Variants in LZTFL1 observed in about 807,000 individuals in gnomAD.
LZTFL1 encodes the protein leucine zipper transcription factor like 1.
LZTFL1 carries 25 observed loss-of-function variants against 45.9 expected under a neutral mutation model. That is an observed-to-expected ratio of 0.54 (90% CI 0.40 to 0.76). The LOEUF (loss-of-function observed/expected upper bound fraction) is 0.76, where lower values mean the gene tolerates loss of function less well. Ranked by LOEUF, LZTFL1 falls within the 30% of genes least tolerant of loss-of-function variation. The probability of loss-of-function intolerance (pLI) is 0.00; values close to 1 mark genes in which losing one functional copy is unlikely to be tolerated. For synonymous variants in LZTFL1, 93 were observed against 117.4 expected (o/e 0.79, Z 1.35); for missense variants, 277 against 331.1 (o/e 0.84, Z 1.27).
intron 2 of LZTFL1, among the ~76,000 whole-genome samples, chr3:45,884,959 G>A (rs544148405): frequency 6.6e-6 from 1 of 150,752 alleles, no homozygotes; most frequent in South Asian, 2.1e-4. Flanking sequence ...ATGAGCGCCC[G>A]CCGAGGGAAG....
At chr3:45,841,751 G>A (rs1318234797) in intron 1 of LZTFL1, 7 of 590,312 alleles carry the variant, frequency 1.2e-5, no homozygotes, top group Non-Finnish European at 1.5e-5. Flanking sequence ...GAGAAACGAA[G>A]CGATGCGGCG....
At chr3:45,883,968 T>C in intron 2 of LZTFL1, 1 of 357,882 alleles carries the variant, frequency 2.8e-6, no homozygotes, top group Non-Finnish European at 5.5e-6. Flanking sequence ...GACAAATGAA[T>C]GTGCTGCACT....
Position 45,828,186 on chromosome 3 carries a change from C to T in LZTFL1, c.777+253G>A, listed in dbSNP as rs139540257. On this transcript the variant is annotated intron_variant, in intron 8 of 9. Coordinates refer to ENST00000296135, the MANE Select transcript of LZTFL1 (RefSeq NM_020347.4). ...GGGATGTAGGGCAGGATTCAAGCCA[C>T]CTACAGAGGAGCATTTCACTACACC... Among the ~76,000 whole-genome samples, 1,204 of 152,206 alleles carry T rather than the reference C, an allele frequency of 7.9e-3. 8 individuals carry two copies. The highest frequency in any genetic ancestry group is 0.012 in the Non-Finnish European group (829 of 68,018).
chr3:45,829,266 A>C (rs973620677), intron 7 of LZTFL1, among the ~76,000 whole-genome samples: 1 of 152,128 alleles, frequency 6.6e-6, no homozygotes, highest in East Asian at 1.9e-4. Context: ...ATTTGTACTG[A>C]TAAGACAGTA....
At position 45,901,368 on chromosome 3, in the gene LZTFL1, G is replaced by A. The variant is rs113137843; in HGVS notation, c.-215+11752C>T. ...ATACAGCCAAATCAAGGAGGAATCC[G>A]GCATTGCTATCTGCACCATGGTTTA... On this transcript the variant is annotated intron_variant, in intron 2 of 4. Coordinates refer to the LZTFL1 transcript ENST00000472635. This position sits in a 1 kb window ranked among gnomAD's most constrained non-coding sequence, Gnocchi z 4.3. The A allele has an allele frequency of 9.3e-5, 150 of 1,614,036 alleles. 1 individual carries two copies. The highest frequency in any genetic ancestry group is 1.6e-4 in the Middle Eastern group (1 of 6,084).
chr3:45,861,245 A>C (rs1348661004), intron 2 of LZTFL1, among the ~76,000 whole-genome samples: 1 of 151,540 alleles, frequency 6.6e-6, no homozygotes, highest in Non-Finnish European at 1.5e-5. Flanking sequence ...ACTCCCTTCC[A>C]GATCAAAACT....
intron 2 of LZTFL1, among the ~76,000 whole-genome samples, chr3:45,899,047 T>A (rs1702462062): frequency 6.6e-6 from 1 of 152,294 alleles, no homozygotes; most frequent in East Asian, 1.9e-4. Flanking sequence ...ACGCCTGTAA[T>A]CCCAGCTACT....
intron 2 of LZTFL1, among the ~76,000 whole-genome samples, chr3:45,911,714 C>T (rs550679568): frequency 1.3e-5 from 2 of 152,338 alleles, no homozygotes; most frequent in Admixed American, 1.3e-4. Flanking sequence ...CCTCCCAGGC[C>T]CTCCCCGCTC....
At chr3:45,845,616 T>C (rs766624209), upstream of LZTFL1, among the ~76,000 whole-genome samples, 8 of 152,228 alleles carry the variant, frequency 5.3e-5, no homozygotes, top group Non-Finnish European at 1.2e-4. Flanking sequence ...TGACAGCTTA[T>C]ACAAGGATGG....
chr3:45,911,590 C>A (rs898614426), intron 2 of LZTFL1, among the ~76,000 whole-genome samples: 1 of 152,240 alleles, frequency 6.6e-6, no homozygotes, highest in African/African-American at 2.4e-5. Flanking sequence ...TCAGTTTGCA[C>A]CATATGATCT....
At chr3:45,838,716 GCA>G (rs748316621) in intron 1 of LZTFL1, among the ~76,000 whole-genome samples, 7 of 152,228 alleles carry the variant, frequency 4.6e-5, no homozygotes. Flanking sequence ...AAATAACAGA[GCA>G]GGTCAGCAGT....
rs199541347 is a variant in LZTFL1, at chr3:45,901,212, G to T, written c.-215+11908C>A. ...TGTGTTGCTGATCATGTGCATCAGC[G>T]TGGACAGGTACATTGCCATTGCCCA... On this transcript the variant is annotated intron_variant, in intron 2 of 4. Transcript: ENST00000472635. This position sits in a 1 kb window ranked among gnomAD's most constrained non-coding sequence, Gnocchi z 4.3. The T allele has an allele frequency of 6.2e-7, 1 of 1,614,096 alleles. No homozygotes were observed. Among genetic ancestry groups the T allele is most frequent in the Admixed American group, 1.7e-5 (1 of 60,022 alleles).
chr3:45,884,785 G>C (rs1701936784), intron 2 of LZTFL1, among the ~76,000 whole-genome samples: 1 of 152,196 alleles, frequency 6.6e-6, no homozygotes, highest in Admixed American at 6.5e-5. Flanking sequence ...TCAAACACGG[G>C]GGAGAAACAA....
At chr3:45,855,180 C>T (rs1485255702) in intron 3 of LZTFL1, 9 of 637,826 alleles carry the variant, frequency 1.4e-5, no homozygotes, top group East Asian at 6.0e-5. Flanking sequence ...ACTGGCAAAC[C>T]GAATCCAGCA....
chr3:45,825,273 G>A lies in LZTFL1; in HGVS notation c.*1041C>T, dbSNP rs1037005656. The A allele has an allele frequency of 2.4e-5, 4 of 168,736 alleles. No homozygotes were observed. The highest frequency in any genetic ancestry group is 7.1e-5 in the African/African-American group (3 of 42,332). The allele number at this position is 168,736 out of a possible 1,614,324, so 10.5% of individuals were successfully genotyped here. On this transcript the variant is annotated 3_prime_UTR_variant, in exon 10 of 10. Coordinates refer to ENST00000296135, the MANE Select transcript of LZTFL1 (RefSeq NM_020347.4). Reference sequence around the variant, plus strand: ...TGAAAAGTAAGGACTTTCCTTCTGAGGGATTATTGCTTTATGGACTTGACT... The same window carrying A: ...TGAAAAGTAAGGACTTTCCTTCTGAAGGATTATTGCTTTATGGACTTGACT...
chr3:45,852,501 G>A (rs1457601632), intron 4 of LZTFL1, among the ~76,000 whole-genome samples: 1 of 152,094 alleles, frequency 6.6e-6, no homozygotes, highest in Non-Finnish European at 1.5e-5. Context: ...AAAGAACAAG[G>A]AAGAATCCAT....
intron 3 of LZTFL1, among the ~76,000 whole-genome samples, chr3:45,858,509 C>G (rs1043486281): frequency 2.0e-5 from 3 of 152,098 alleles, no homozygotes; most frequent in Non-Finnish European, 4.4e-5. Context: ...TATTATATCC[C>G]TAATATATTT....
chr3:45,838,188 C>CAGCCAGGA, intron 1 of LZTFL1, 137 bp from the exon 2 acceptor site: 5 of 909,534 alleles, frequency 5.5e-6, no homozygotes, highest in Non-Finnish European at 8.0e-6. Context: ...TTCCTGGCTG[C>CAGCCAGGA]ATGGCTGCCC....
rs561029245 is a variant in LZTFL1 at position 45,868,655 on chromosome 3, TA to T, written c.-214-9640del. Among the ~76,000 whole-genome samples the T allele has an allele frequency of 5.3e-3, 813 of 152,338 alleles. 6 individuals carry two copies. The highest frequency in any genetic ancestry group is 0.019 in the African/African-American group (778 of 41,578). Reference sequence around the variant, plus strand: ...ACTTGCTCAAATTCTCAGTCAGTGGTAGGGGGGGTAAACCCAACTCTCTCTG... The same window carrying T: ...ACTTGCTCAAATTCTCAGTCAGTGGTGGGGGGGTAAACCCAACTCTCTCTG... On this transcript the variant is annotated intron_variant, in intron 2 of 4. Transcript: ENST00000472635.
Sources: gnomAD v4.1 joint callset for allele counts (sites outside exome capture counted in the v4.1 genomes callset) on GRCh38, gnomAD v4.1.1 for gene constraint, Gnocchi (gnomAD v3.1) non-coding constraint, MANE v1.5 for transcripts, NCBI Gene and HGNC (gene_info 2026-07-23, HGNC 2026-07-21) for gene names.